PIK3C2G: variants seen among roughly 807,000 people sequenced by gnomAD.
PIK3C2G encodes the protein phosphatidylinositol-4-phosphate 3-kinase catalytic subunit type 2 gamma, also known as phosphatidylinositol 3-kinase C2 domain-containing subunit gamma.
Under a neutral mutation model 181.1 loss-of-function variants are expected in PIK3C2G, and 168 were observed. That is an observed-to-expected ratio of 0.93 (90% CI 0.82 to 1.05). The LOEUF is 1.05. Ranked by LOEUF, PIK3C2G falls within the 50% of genes least tolerant of loss-of-function variation. PIK3C2G has a pLI of 0.00. For synonymous variants in PIK3C2G, 573 were observed against 592.2 expected (o/e 0.97, Z 0.47); for missense variants, 1,869 against 1,732.8 (o/e 1.08, Z -1.40).
chr12:18,488,643 T>C lies in PIK3C2G; in HGVS notation c.2685+14T>C. On this transcript the variant is annotated intron_variant, in intron 19 of 32. Transcript: ENST00000538779. ...CATCAAAGACAGGTTTGTTGAAATA[T>C]TAATATTCAGGTAGTAATGTTTTTA... The C allele has an allele frequency of 3.5e-6, 5 of 1,443,408 alleles. No individual in the cohort carries two copies. Among genetic ancestry groups the C allele is most frequent in the Non-Finnish European group, 4.6e-6 (5 of 1,083,772 alleles). The allele number at this position is 1,443,408 out of a possible 1,614,324, so 89.4% of individuals were successfully genotyped here. A position where few individuals can be genotyped will look rare whatever the true frequency, so the allele number is the denominator to read the frequency against.
chr12:18,422,699 C>T (rs1417740942), intron 17 of PIK3C2G, among the ~76,000 whole-genome samples: 1 of 151,850 alleles, frequency 6.6e-6, no homozygotes, highest in Non-Finnish European at 1.5e-5. Context: ...AGCTTGGAAG[C>T]GAGGGGTAAC....
At chr12:18,265,892 T>C (rs1320319309) in intron 1 of PIK3C2G, among the ~76,000 whole-genome samples, 1 of 151,478 alleles carries the variant, frequency 6.6e-6, no homozygotes, top group Non-Finnish European at 1.5e-5. Flanking sequence ...CAGGCGCCTG[T>C]AATCCCAGCT....
chr12:18,634,634 G>A (rs1187285272), intron 31 of PIK3C2G, among the ~76,000 whole-genome samples: 1 of 152,154 alleles, frequency 6.6e-6, no homozygotes, highest in Non-Finnish European at 1.5e-5. Context: ...CTCAGCAGTG[G>A]CTGTAGCTGG....
At chr12:18,274,721 T>C (rs1171522859) in intron 1 of PIK3C2G, among the ~76,000 whole-genome samples, 3 of 152,042 alleles carry the variant, frequency 2.0e-5, no homozygotes, top group Non-Finnish European at 4.4e-5. Context: ...AGTTAATGGG[T>C]GCAGCACACC....
At chr12:18,481,312 G>A (rs1275548888) in intron 18 of PIK3C2G, among the ~76,000 whole-genome samples, 1 of 152,108 alleles carries the variant, frequency 6.6e-6, no homozygotes, top group Non-Finnish European at 1.5e-5. Flanking sequence ...CAGGCTCCCG[G>A]GTTGACCACG....
intron 18 of PIK3C2G, among the ~76,000 whole-genome samples, chr12:18,462,564 T>C (rs967021109): frequency 1.2e-4 from 19 of 152,108 alleles, no homozygotes; most frequent in African/African-American, 4.3e-4. Context: ...AGAAGGTAAC[T>C]CAAAAAGCAT....
rs1245074601 is a variant in PIK3C2G, at chr12:18,536,958, G to T, written c.3324-1198G>T. Among the ~76,000 whole-genome samples, 6 of 152,072 alleles carry T rather than the reference G, an allele frequency of 3.9e-5. No homozygotes were observed. The East Asian group carries it at 1.2e-3, about 30-fold the overall frequency. ...ACTGGTATTCCAGCCTTTCCTCCAG[G>T]CATTGTGGTAGCATGGATTACAAAA... is the stretch of plus-strand genomic sequence containing the variant. On this transcript the variant is annotated intron_variant, in intron 24 of 32. Coordinates refer to ENST00000538779, the MANE Select transcript of PIK3C2G (RefSeq NM_001288772.2).
Position 18,596,409 on chromosome 12 carries a change from C to T in PIK3C2G, c.4087+1840C>T, listed in dbSNP as rs79720165. ...CTGGATTTTATTTTAAGTGTATATT[C>T]TTTAACTCTCTAATGACATGATCCT... On this transcript the variant is annotated intron_variant, in intron 30 of 32. Transcript: ENST00000538779. Among the ~76,000 whole-genome samples, 1,006 of 152,156 alleles carry T rather than the reference C, an allele frequency of 6.6e-3. 8 individuals are homozygous for T. Among genetic ancestry groups the T allele is most frequent in the African/African-American group, 0.023 (963 of 41,510 alleles).
the PIK3C2G span, chr12:18,692,993 T>C: frequency 2.1e-6 from 3 of 1,405,378 alleles, no homozygotes; most frequent in East Asian, 6.8e-5. Context: ...AAGACTATCT[T>C]CTCATGGAGG....
In PIK3C2G at chr12:18,281,991, A is replaced by T; in HGVS notation, c.-78-13A>T. ...AATTCAATATATTTTCTTTCATTTT[A>T]TGCTTTTTCTAGGAAAATTTCTATC... On this transcript the variant is annotated splice_polypyrimidine_tract_variant and intron_variant, in intron 1 of 32. Transcript: ENST00000538779. 1 of 720,754 alleles carries T rather than the reference A, an allele frequency of 1.4e-6. No homozygotes were observed. The highest frequency in any genetic ancestry group is 2.3e-6 in the Non-Finnish European group (1 of 434,572). 44.6% of individuals were successfully genotyped at this position (720,754 alleles called of 1,614,324 possible). A position where few individuals can be genotyped will look rare whatever the true frequency, so the allele number is the denominator to read the frequency against.
the PIK3C2G span, chr12:18,705,069 T>C: frequency 2.1e-6 from 3 of 1,463,338 alleles, no homozygotes; most frequent in Admixed American, 5.0e-5. Context: ...ACTAAGCATT[T>C]TCATTGGTCT....
chr12:18,726,630 C>G, the PIK3C2G span, among the ~76,000 whole-genome samples: 1 of 151,462 alleles, frequency 6.6e-6, no homozygotes, highest in Admixed American at 6.6e-5. Flanking sequence ...TGAAGGCTTT[C>G]CATATTGTCA....
intron 29 of PIK3C2G, among the ~76,000 whole-genome samples, chr12:18,574,230 TA>T (rs1946119545): frequency 6.6e-6 from 1 of 152,190 alleles, no homozygotes. Context: ...TCCTTAAAAG[TA>T]AAGAGTACAA....
At chr12:18,311,474 A>G (rs1182789648) in intron 5 of PIK3C2G, among the ~76,000 whole-genome samples, 2 of 151,916 alleles carry the variant, frequency 1.3e-5, no homozygotes, top group East Asian at 1.9e-4. Flanking sequence ...CTATATCTAT[A>G]TATCTCTATC....
At chr12:18,628,835 T>A (rs1949218833) in intron 31 of PIK3C2G, among the ~76,000 whole-genome samples, 2 of 152,120 alleles carry the variant, frequency 1.3e-5, no homozygotes, top group South Asian at 4.1e-4. Flanking sequence ...AGTGGCATGG[T>A]AGTTCCAGCT....
rs759138173 is a variant in PIK3C2G, at chr12:18,293,994, G to T, written c.1013G>T (p.Gly338Val). Reference protein sequence around the residue: ...LPKDHILSVCGSEEFLQNDHC... With the variant: ...LPKDHILSVCVSEEFLQNDHC... The stretch of plus-strand genomic sequence containing the variant: ...AAAGATCATATTCTAAGTGTATGTG[G>T]CTCTGAAGAATTTTTACAAAAGTAA... Residue 338 changes from glycine to valine, a missense_variant, in exon 5 of 33, where the codon GGC (glycine) becomes GTC (valine). Coordinates refer to ENST00000538779, the MANE Select transcript of PIK3C2G (RefSeq NM_001288772.2). 1.3e-6 allele frequency: 2 copies of T among 1,565,474 alleles called. No homozygotes were observed. Among genetic ancestry groups the T allele is most frequent in the South Asian group, 1.1e-5 (1 of 88,288 alleles).
the PIK3C2G span, among the ~76,000 whole-genome samples, chr12:18,689,725 T>C: frequency 6.6e-6 from 1 of 152,174 alleles, no homozygotes; most frequent in Non-Finnish European, 1.5e-5. Flanking sequence ...GTCCTGTAGC[T>C]TTTATAAATT....
intron 29 of PIK3C2G, among the ~76,000 whole-genome samples, chr12:18,583,927 T>C (rs1946636580): frequency 6.6e-6 from 1 of 152,164 alleles, no homozygotes; most frequent in Non-Finnish European, 1.5e-5. Context: ...AGATCATTGA[T>C]GCTCAGGAGA....
chr12:18,321,073 G>A (rs1951088385), intron 7 of PIK3C2G, 41 bp downstream of exon 7: 5 of 1,030,104 alleles, frequency 4.9e-6, no homozygotes, highest in Non-Finnish European at 7.4e-6. Flanking sequence ...CTTTCTGATT[G>A]AGTTCTCAAA....
Sources: allele counts gnomAD v4.1 joint callset (sites outside exome capture counted in the v4.1 genomes callset), GRCh38; gene constraint gnomAD v4.1.1; transcripts MANE v1.5; gene names NCBI Gene and HGNC (gene_info 2026-07-23, HGNC 2026-07-21).